ITFG1: variants seen among roughly 807,000 people sequenced by gnomAD.
ITFG1 encodes integrin alpha FG-GAP repeat containing 1.
In ITFG1, 34 loss-of-function variants were observed where a neutral mutation model predicts 81.8. The ratio of observed to expected loss-of-function variants is 0.42; its 90% CI spans 0.32 to 0.55. The LOEUF (loss-of-function observed/expected upper bound fraction) is 0.55, where lower values mean the gene tolerates loss of function less well. Ranked by LOEUF, ITFG1 falls within the 20% of genes least tolerant of loss-of-function variation. The pLI, the probability that ITFG1 is intolerant of heterozygous loss-of-function variation, is 0.17. For synonymous variants in ITFG1, 285 were observed against 270.6 expected (o/e 1.05, Z -0.52); for missense variants, 672 against 755.4 (o/e 0.89, Z 1.29).
chr16:47,414,584 A>C (rs761912989), intron 6 of ITFG1, among the ~76,000 whole-genome samples: 55 of 152,092 alleles, frequency 3.6e-4, no homozygotes, highest in Admixed American at 2.2e-3. Context: ...AAAATCCCCC[A>C]AAACAATAAC....
In ITFG1 at chr16:47,195,576, T is replaced by C. The variant is rs138672067; in HGVS notation, c.1453+23292A>G. 5.7e-3 allele frequency among the ~76,000 whole-genome samples: 869 copies of C among 152,310 alleles called. 7 individuals are homozygous for C. The highest frequency in any genetic ancestry group is 0.02 in the African/African-American group (831 of 41,572). Reference sequence around the variant, plus strand: ...GTATTCCTTCTCTAATGTTCTTCCTTCCTTATGTAGATACAAGTTTCTGAC... The same window carrying C: ...GTATTCCTTCTCTAATGTTCTTCCTCCCTTATGTAGATACAAGTTTCTGAC... On this transcript the variant is annotated intron_variant, in intron 14 of 17. Transcript: ENST00000320640.
intron 6 of ITFG1, chr16:47,396,187 T>C: frequency 1.0e-6 from 1 of 985,050 alleles, no homozygotes. Flanking sequence ...TGAAGAAAAG[T>C]TAATCGGCTG....
intron 8 of ITFG1, among the ~76,000 whole-genome samples, chr16:47,337,235 T>C (rs566244852): frequency 6.6e-6 from 1 of 152,140 alleles, no homozygotes; most frequent in Non-Finnish European, 1.5e-5. Context: ...TGTGGAAATT[T>C]TGACTCCAAA....
At chr16:47,433,841 GAATA>G (rs1168479375) in intron 5 of ITFG1, among the ~76,000 whole-genome samples, 3 of 100,970 alleles carry the variant, frequency 3.0e-5, no homozygotes, top group Non-Finnish European at 6.0e-5. Context: ...GAACTAAAGT[GAATA>G]AATAAAAACT....
In ITFG1 at chr16:47,162,627, T is replaced by C. The variant is rs765459415; in HGVS notation, c.1491A>G (p.Gln497=). ...CTAAACCAAGCACGTTGTATGGTAG[T>C]TGGAGAGCTAAATGTGCGGATTGGC... ...QLSQSAHLAL[Q]LPYNVLGLGR... is the part of the protein sequence containing the mutation. Residue 497 remains glutamine (Q), a synonymous_variant, in exon 15 of 18, where the codon CAA becomes CAG. Transcript: ENST00000320640. The C allele has an allele frequency of 2.2e-5, 35 of 1,611,292 alleles. No homozygotes were observed. Among genetic ancestry groups the C allele is most frequent in the Non-Finnish European group, 1.4e-5 (17 of 1,178,570 alleles).
intron 10 of ITFG1, among the ~76,000 whole-genome samples, chr16:47,303,486 ATC>A (rs1967109645): frequency 4.3e-5 from 1 of 23,132 alleles, no homozygotes; most frequent in East Asian, 1.3e-3. Context: ...CACTTAATCT[ATC>A]AGCCTTAGGG....
At chr16:47,423,311 T>G (rs1327981357) in intron 6 of ITFG1, among the ~76,000 whole-genome samples, 1 of 152,016 alleles carries the variant, frequency 6.6e-6, no homozygotes, top group Non-Finnish European at 1.5e-5. Context: ...ATCCCTTTAT[T>G]TTGAGCCTAT....
intron 10 of ITFG1, among the ~76,000 whole-genome samples, chr16:47,293,181 A>AGC (rs1555508208): frequency 6.3e-5 from 9 of 142,826 alleles, no homozygotes; most frequent in South Asian, 2.1e-4. Flanking sequence ...ATCATATACA[A>AGC]ATGATATATA....
At chr16:47,295,193 T>G (rs1966964486) in intron 10 of ITFG1, among the ~76,000 whole-genome samples, 1 of 152,200 alleles carries the variant, frequency 6.6e-6, no homozygotes, top group Non-Finnish European at 1.5e-5. Flanking sequence ...ATCGCTGGAA[T>G]AAATCTTGCT....
intron 10 of ITFG1, among the ~76,000 whole-genome samples, chr16:47,275,018 A>C (rs1250636184): frequency 6.6e-6 from 1 of 152,208 alleles, no homozygotes; most frequent in African/African-American, 2.4e-5. Context: ...AATTTCTAAG[A>C]CTTATGAACA....
intron 5 of ITFG1, among the ~76,000 whole-genome samples, chr16:47,444,951 A>AT (rs1190957775): frequency 2.0e-5 from 3 of 151,944 alleles, no homozygotes; most frequent in Admixed American, 2.0e-4. Context: ...ACAATAATGG[A>AT]TTTTTTGACA....
chr16:47,307,113 A>AC (rs1967179029), intron 10 of ITFG1, among the ~76,000 whole-genome samples: 2 of 148,066 alleles, frequency 1.4e-5, no homozygotes, highest in African/African-American at 4.9e-5. Flanking sequence ...AAAAAAAAAA[A>AC]AAAAAAAAAA....
chr16:47,213,180 T>C (rs1173578463), intron 14 of ITFG1, among the ~76,000 whole-genome samples: 1 of 152,232 alleles, frequency 6.6e-6, no homozygotes, highest in African/African-American at 2.4e-5. Context: ...AGAAATAAGA[T>C]GTTTAAGTTT....
intron 6 of ITFG1, among the ~76,000 whole-genome samples, chr16:47,402,739 G>A (rs540320491): frequency 6.6e-6 from 1 of 152,248 alleles, no homozygotes; most frequent in African/African-American, 2.4e-5. Context: ...ACATAAGGAG[G>A]CTATGTTTTT....
intron 5 of ITFG1, among the ~76,000 whole-genome samples, chr16:47,433,870 A>G (rs1969127232): frequency 1.3e-5 from 1 of 75,530 alleles, no homozygotes; most frequent in East Asian, 3.2e-4. Flanking sequence ...ATATATATAT[A>G]TATATATATA....
At chr16:47,340,700 A>G (rs1164690466) in intron 8 of ITFG1, among the ~76,000 whole-genome samples, 1 of 152,184 alleles carries the variant, frequency 6.6e-6, no homozygotes, top group Non-Finnish European at 1.5e-5. Context: ...AAGTGTACAT[A>G]AACACTCAAA....
At chr16:47,168,811 A>T (rs1403208657) in intron 14 of ITFG1, among the ~76,000 whole-genome samples, 1 of 152,126 alleles carries the variant, frequency 6.6e-6, no homozygotes, top group African/African-American at 2.4e-5. Flanking sequence ...GGAAATGCAG[A>T]TCTACTTCTA....
chr16:47,449,055 C>T (rs983064744), intron 5 of ITFG1: 1 of 152,176 alleles, frequency 6.6e-6, no homozygotes, highest in Admixed American at 6.5e-5. Flanking sequence ...TCATCTGCAC[C>T]TTTAGTCCAG....
At chr16:47,209,479 CT>C (rs1483262275) in intron 14 of ITFG1, among the ~76,000 whole-genome samples, 1 of 152,086 alleles carries the variant, frequency 6.6e-6, no homozygotes, top group Non-Finnish European at 1.5e-5. Context: ...GATTTTTAAA[CT>C]AAACTTTTTA....
Sources: gnomAD v4.1 joint callset for allele counts (sites outside exome capture counted in the v4.1 genomes callset) on GRCh38, gnomAD v4.1.1 for gene constraint, MANE v1.5 for transcripts, NCBI Gene and HGNC (gene_info 2026-07-23, HGNC 2026-07-21) for gene names.